Variants in GPR158 observed in about 807,000 individuals in gnomAD.
The protein encoded by GPR158 is G protein-coupled receptor 158, also known as metabotropic glycine receptor.
GPR158 carries 30 observed loss-of-function variants against 78.2 expected under a neutral mutation model. That is an observed-to-expected ratio of 0.38 (90% CI 0.29 to 0.52). The LOEUF is 0.52. Ranked by LOEUF, GPR158 falls within the 20% of genes least tolerant of loss-of-function variation. GPR158 has a pLI of 0.83. For missense variants in GPR158, 1,463 were observed against 1,523.5 expected (o/e 0.96, Z 0.66); for synonymous variants, 581 against 591.1 (o/e 0.98, Z 0.25).
chr10:25,490,020 C>T (rs978192308), intron 5 of GPR158, among the ~76,000 whole-genome samples: 1 of 152,014 alleles, frequency 6.6e-6, no homozygotes, highest in Non-Finnish European at 1.5e-5. Flanking sequence ...TGATGAAATG[C>T]ATATATACTA....
intron 2 of GPR158, among the ~76,000 whole-genome samples, chr10:25,345,461 T>C (rs1021115459): frequency 3.9e-5 from 6 of 152,016 alleles, no homozygotes; most frequent in African/African-American, 1.2e-4. Flanking sequence ...TGTTATAATG[T>C]AGTCATTTGT....
chr10:25,364,213 T>TA (rs1855684913), intron 2 of GPR158, among the ~76,000 whole-genome samples: 1 of 151,898 alleles, frequency 6.6e-6, no homozygotes, highest in African/African-American at 2.4e-5. Flanking sequence ...AAGCATATCT[T>TA]ACTCCAAAGT....
intron 5 of GPR158, among the ~76,000 whole-genome samples, chr10:25,498,170 C>G (rs1295300857): frequency 6.6e-6 from 1 of 152,142 alleles, no homozygotes; most frequent in Non-Finnish European, 1.5e-5. Flanking sequence ...TGTAACCAAA[C>G]TACAGTATTA....
chr10:25,422,850 AC>A (rs11424448), intron 4 of GPR158, among the ~76,000 whole-genome samples: 1,557 of 130,390 alleles, frequency 0.012, 11 homozygotes, highest in Non-Finnish European at 0.017. Context: ...TTATTCCCTT[AC>A]CCCCCCCACA....
At chr10:25,558,539 C>T (rs1218012832) in intron 6 of GPR158, among the ~76,000 whole-genome samples, 3 of 152,130 alleles carry the variant, frequency 2.0e-5, no homozygotes, top group African/African-American at 7.2e-5. Context: ...GTTGCACCTC[C>T]CTGCTGTCGC....
chr10:25,418,266 T>G (rs568213036), intron 4 of GPR158, among the ~76,000 whole-genome samples: 2 of 152,320 alleles, frequency 1.3e-5, no homozygotes, highest in South Asian at 4.1e-4. Flanking sequence ...GCCCAAAATA[T>G]CAACTCAATA....
At chr10:25,334,018 T>C (rs1342754499) in intron 2 of GPR158, among the ~76,000 whole-genome samples, 1 of 152,176 alleles carries the variant, frequency 6.6e-6, no homozygotes, top group East Asian at 1.9e-4. Flanking sequence ...CTATACATTA[T>C]AGTTCAAATA....
intron 8 of GPR158, among the ~76,000 whole-genome samples, chr10:25,589,646 G>A (rs940318336): frequency 6.6e-6 from 1 of 152,128 alleles, no homozygotes; most frequent in Non-Finnish European, 1.5e-5. Flanking sequence ...ATGTGCAATG[G>A]GCTTTGGTGC....
intron 2 of GPR158, among the ~76,000 whole-genome samples, chr10:25,381,698 G>A (rs1307400157): frequency 6.6e-6 from 1 of 152,072 alleles, no homozygotes; most frequent in African/African-American, 2.4e-5. Context: ...TCTTCTCATG[G>A]CTTTTATTTA....
At chr10:25,313,503 A>AT (rs1366906365) in intron 2 of GPR158, among the ~76,000 whole-genome samples, 1 of 152,148 alleles carries the variant, frequency 6.6e-6, no homozygotes, top group Non-Finnish European at 1.5e-5. Flanking sequence ...GTAAAAAAAA[A>AT]AAATATATTT....
chr10:25,252,230 A>G (rs1174812079), intron 2 of GPR158, among the ~76,000 whole-genome samples: 1 of 150,310 alleles, frequency 6.7e-6, no homozygotes, highest in Non-Finnish European at 1.5e-5. Flanking sequence ...TTTTTTTCAA[A>G]GTTTTCAACT....
intron 2 of GPR158, among the ~76,000 whole-genome samples, chr10:25,240,101 A>G (rs1474287411): frequency 6.6e-6 from 1 of 152,220 alleles, no homozygotes; most frequent in Admixed American, 6.5e-5. Flanking sequence ...TAATCTAGTC[A>G]TTTCAGTCTT....
At chr10:25,283,771 T>G in intron 2 of GPR158, among the ~76,000 whole-genome samples, 1 of 152,160 alleles carries the variant, frequency 6.6e-6, no homozygotes, top group Non-Finnish European at 1.5e-5. Context: ...TAAGCACTAC[T>G]TTTGCTGAAT....
rs1204332276 is a variant in GPR158, at chr10:25,487,381, T to A, written c.1404+20662T>A. 3.3e-5 allele frequency among the ~76,000 whole-genome samples: 5 copies of A among 152,306 alleles called. No homozygotes were observed. The East Asian group carries it at 9.6e-4, about 29-fold the overall frequency. On this transcript the variant is annotated intron_variant, in intron 5 of 10. Transcript: ENST00000376351. ...AATTGTTGGCAATATCATTTAAAAA[T>A]TAGGAAAATTCACATAAAAAGGCCA...
At chr10:25,317,333 C>A (rs1484262234) in intron 2 of GPR158, among the ~76,000 whole-genome samples, 3 of 152,046 alleles carry the variant, frequency 2.0e-5, no homozygotes, top group East Asian at 1.9e-4. Flanking sequence ...CAGGTGTGAG[C>A]CACTACACCT....
At chr10:25,322,992 G>A (rs923894900) in intron 2 of GPR158, among the ~76,000 whole-genome samples, 6 of 151,972 alleles carry the variant, frequency 3.9e-5, no homozygotes, top group Non-Finnish European at 7.4e-5. Context: ...GACTACAGAT[G>A]CCCGCCACCA....
intron 5 of GPR158, among the ~76,000 whole-genome samples, chr10:25,521,097 C>A (rs111975859): frequency 6.6e-6 from 1 of 152,238 alleles, no homozygotes; most frequent in African/African-American, 2.4e-5. Context: ...GTCGGAAAAG[C>A]GCAGTATTCG....
At chr10:25,293,445 T>C (rs73608261) in intron 2 of GPR158, among the ~76,000 whole-genome samples, 2,135 of 152,296 alleles carry the variant, frequency 0.014, 49 homozygotes, top group African/African-American at 0.048. Context: ...AAATGAGATA[T>C]TATATACCTA....
intron 1 of GPR158, among the ~76,000 whole-genome samples, chr10:25,186,421 A>G (rs542096787): frequency 3.3e-5 from 5 of 152,342 alleles, no homozygotes; most frequent in African/African-American, 1.2e-4. Flanking sequence ...TCAAAAAATC[A>G]GTGAATCCAG....
Sources: gnomAD v4.1 joint callset for allele counts (sites outside exome capture counted in the v4.1 genomes callset) on GRCh38, gnomAD v4.1.1 for gene constraint, MANE v1.5 for transcripts, NCBI Gene and HGNC (gene_info 2026-07-23, HGNC 2026-07-21) for gene names.